LRRC4C: variants seen among roughly 807,000 people sequenced by gnomAD.
LRRC4C encodes leucine rich repeat containing 4C, also known as leucine-rich repeat-containing protein 4C.
LRRC4C carries 5 observed loss-of-function variants against 33.6 expected under a neutral mutation model. The observed-to-expected ratio is 0.15, with a 90% CI of 0.08 to 0.31. The LOEUF (loss-of-function observed/expected upper bound fraction) is 0.31, where lower values mean the gene tolerates loss of function less well. Among genes scored for constraint, LRRC4C ranks in the 10% least tolerant of loss-of-function variants. The pLI, the probability that LRRC4C is intolerant of heterozygous loss-of-function variation, is 1.00. For missense variants in LRRC4C, 560 were observed against 796.7 expected (o/e 0.70, Z 3.58); for synonymous variants, 329 against 302.0 (o/e 1.09, Z -0.93).
At position 40,552,477 on chromosome 11, in the gene LRRC4C, T is replaced by C. The variant is rs968649621; in HGVS notation, c.-270+95665A>G. ...TGGAATCCTGAGTGGTAGAAATCTCTATATTTAAGGAACCCCCCACAATGT... is the reference window on the plus strand; with the variant it reads ...TGGAATCCTGAGTGGTAGAAATCTCCATATTTAAGGAACCCCCCACAATGT... On this transcript the variant is annotated intron_variant, in intron 3 of 6. Coordinates refer to ENST00000528697, the MANE Select transcript of LRRC4C (RefSeq NM_001258419.2). Among the ~76,000 whole-genome samples, 4 of 152,120 alleles carry C rather than the reference T, an allele frequency of 2.6e-5. No individual in the cohort carries two copies. The South Asian group carries it at 6.2e-4, about 24-fold the overall frequency.
intron 5 of LRRC4C, among the ~76,000 whole-genome samples, chr11:40,159,670 A>C (rs1187798466): frequency 6.6e-6 from 1 of 152,174 alleles, no homozygotes; most frequent in Admixed American, 6.5e-5. Context: ...TTCTAAATTA[A>C]TTTGAATCAC....
intron 3 of LRRC4C, among the ~76,000 whole-genome samples, chr11:40,514,637 A>T (rs998341905): frequency 7.2e-5 from 11 of 152,086 alleles, no homozygotes; most frequent in Non-Finnish European, 1.6e-4. Flanking sequence ...TAATTATTTT[A>T]TAAGGATTTT....
chr11:40,870,479 G>A (rs1008959880), intron 2 of LRRC4C, among the ~76,000 whole-genome samples: 5 of 152,248 alleles, frequency 3.3e-5, no homozygotes, highest in African/African-American at 7.2e-5. Context: ...AACCCCAAAC[G>A]GAGGGACTGG....
intron 1 of LRRC4C, among the ~76,000 whole-genome samples, chr11:41,155,193 T>A (rs747710337): frequency 3.2e-4 from 48 of 152,106 alleles, no homozygotes; most frequent in Non-Finnish European, 5.3e-4. Flanking sequence ...TGGGTGCATG[T>A]TTTGCTTAAT....
chr11:40,787,756 C>T (rs954886437), intron 2 of LRRC4C, among the ~76,000 whole-genome samples: 1 of 152,148 alleles, frequency 6.6e-6, no homozygotes, highest in African/African-American at 2.4e-5. Context: ...ACAAACCCGG[C>T]AACAGGGATT....
intron 2 of LRRC4C, among the ~76,000 whole-genome samples, chr11:40,903,128 G>T (rs187277873): frequency 1.4e-3 from 214 of 152,254 alleles, no homozygotes; most frequent in Non-Finnish European, 2.3e-3. Context: ...GGCTAATGCA[G>T]CTGGTGTCTC....
chr11:41,104,527 G>A (rs190846860), intron 1 of LRRC4C, among the ~76,000 whole-genome samples: 34 of 151,976 alleles, frequency 2.2e-4, no homozygotes, highest in Admixed American at 1.1e-3. Flanking sequence ...AAATGAGATC[G>A]TACAATCACA....
At chr11:41,422,038 T>C (rs1419823546) in intron 1 of LRRC4C, among the ~76,000 whole-genome samples, 1 of 151,962 alleles carries the variant, frequency 6.6e-6, no homozygotes, top group Non-Finnish European at 1.5e-5. Context: ...AAATAAACAG[T>C]AAGTAATTTG....
intron 5 of LRRC4C, among the ~76,000 whole-genome samples, chr11:40,145,519 G>C (rs994747729): frequency 2.0e-5 from 3 of 151,994 alleles, no homozygotes; most frequent in Non-Finnish European, 4.4e-5. Context: ...ATTAAAACCG[G>C]AATAGTTCAT....
chr11:40,849,320 T>C (rs1403776053), intron 2 of LRRC4C, among the ~76,000 whole-genome samples: 1 of 152,242 alleles, frequency 6.6e-6, no homozygotes. Flanking sequence ...TCAGGAGCTC[T>C]TGTAAGGCAG....
intron 1 of LRRC4C, among the ~76,000 whole-genome samples, chr11:41,407,542 G>A (rs1455800934): frequency 6.6e-6 from 1 of 152,034 alleles, no homozygotes; most frequent in East Asian, 1.9e-4. Flanking sequence ...CCTCAAGCAA[G>A]CCTCCCACCT....
At chr11:41,297,590 A>G (rs774035719) in intron 1 of LRRC4C, among the ~76,000 whole-genome samples, 3 of 152,236 alleles carry the variant, frequency 2.0e-5, no homozygotes, top group Non-Finnish European at 4.4e-5. Context: ...ATGAAATGAT[A>G]TCCCTGCCCT....
At chr11:41,013,914 T>C (rs1454246205) in intron 1 of LRRC4C, among the ~76,000 whole-genome samples, 4 of 152,060 alleles carry the variant, frequency 2.6e-5, no homozygotes, top group Non-Finnish European at 4.4e-5. Context: ...TACACACTTT[T>C]AAACAACCAG....
rs867251555 is a variant in LRRC4C at position 41,304,798 on chromosome 11, G to A, written c.-496+154633C>T. On this transcript the variant is annotated intron_variant, in intron 1 of 6. Coordinates refer to ENST00000528697, the MANE Select transcript of LRRC4C (RefSeq NM_001258419.2). ...GGGTCAGCCCCCCGCCCGGCCAGCCGCCCCATCCGGGAGGGAGGTGGGGGG... is the reference window on the plus strand; with the variant it reads ...GGGTCAGCCCCCCGCCCGGCCAGCCACCCCATCCGGGAGGGAGGTGGGGGG... Among the ~76,000 whole-genome samples the A allele has an allele frequency of 3.6e-3, 365 of 101,088 alleles. 6 individuals carry two copies. Among genetic ancestry groups the A allele is most frequent in the Middle Eastern group, 9.4e-3 (1 of 106 alleles). 66.3% of individuals were successfully genotyped at this position (101,088 alleles called of 152,430 possible).
chr11:40,621,041 T>A (rs1450425621), intron 3 of LRRC4C, among the ~76,000 whole-genome samples: 3 of 151,636 alleles, frequency 2.0e-5, no homozygotes, highest in Non-Finnish European at 1.5e-5. Flanking sequence ...TCTAGTAAAC[T>A]GAGGTTATAA....
chr11:41,059,520 A>G (rs999249764), intron 1 of LRRC4C, among the ~76,000 whole-genome samples: 9 of 152,074 alleles, frequency 5.9e-5, no homozygotes, highest in African/African-American at 1.7e-4. Context: ...TTTTTTCATG[A>G]CATTTTGTGT....
chr11:40,414,647 G>T (rs1394875896), intron 3 of LRRC4C, among the ~76,000 whole-genome samples: 2 of 151,968 alleles, frequency 1.3e-5, no homozygotes. Context: ...TTTTCTTTGT[G>T]TGGCTAATTT....
At position 40,210,446 on chromosome 11, in the gene LRRC4C, A is replaced by C. The variant is rs148009771; in HGVS notation, c.-96+31073T>G. Among the ~76,000 whole-genome samples the C allele has an allele frequency of 2.7e-3, 407 of 152,328 alleles. 3 individuals are homozygous for C. Among genetic ancestry groups the C allele is most frequent in the African/African-American group, 9.5e-3 (395 of 41,582 alleles). Reference sequence around the variant, plus strand: ...TCTCATATAGAGTAGGCAATTATTAAATAACTGGTAAATGGAAAAAGAGGA... The same window carrying C: ...TCTCATATAGAGTAGGCAATTATTACATAACTGGTAAATGGAAAAAGAGGA... On this transcript the variant is annotated intron_variant, in intron 5 of 6. Transcript: ENST00000528697.
chr11:41,025,963 C>T (rs2137746457), intron 1 of LRRC4C, among the ~76,000 whole-genome samples: 1 of 151,762 alleles, frequency 6.6e-6, no homozygotes, highest in East Asian at 1.9e-4. Context: ...CAAAATATTA[C>T]TGTTCATTGA....
Sources: gnomAD v4.1 joint callset for allele counts (sites outside exome capture counted in the v4.1 genomes callset) on GRCh38, gnomAD v4.1.1 for gene constraint, MANE v1.5 for transcripts, NCBI Gene and HGNC (gene_info 2026-07-23, HGNC 2026-07-21) for gene names.